Variants in CDH4 observed in about 807,000 individuals in gnomAD.
The protein encoded by CDH4 is cadherin 4.
Under a neutral mutation model 86.0 loss-of-function variants are expected in CDH4, and 33 were observed. The ratio of observed to expected loss-of-function variants is 0.38; its 90% CI spans 0.29 to 0.51. The LOEUF (loss-of-function observed/expected upper bound fraction) is 0.51, where lower values mean the gene tolerates loss of function less well. CDH4 is among the 20% of genes least tolerant of loss of function. CDH4 has a pLI of 0.86. For missense variants in CDH4, 1,114 were observed against 1,307.4 expected (o/e 0.85, Z 2.28); for synonymous variants, 555 against 549.4 (o/e 1.01, Z -0.14).
In CDH4 at chr20:61,495,303, C is replaced by T. The variant is rs867479022; in HGVS notation, c.169+240366C>T. On this transcript the variant is annotated intron_variant, in intron 2 of 15. Coordinates refer to ENST00000614565, the MANE Select transcript of CDH4 (RefSeq NM_001794.5). The stretch of plus-strand genomic sequence containing the variant: ...CAGGCACCTGAGGGGGAGCCGAACA[C>T]GACGTTCCCCTCGTTAACTACAGCA... 1.2e-4 allele frequency among the ~76,000 whole-genome samples: 19 copies of T among 152,320 alleles called. No homozygotes were observed. The South Asian group carries it at 1.7e-3, about 13-fold the overall frequency.
At chr20:61,745,929 C>T (rs13038982) in intron 3 of CDH4, among the ~76,000 whole-genome samples, 10,193 of 152,286 alleles carry the variant, frequency 0.067, 446 homozygotes, top group South Asian at 0.16. Context: ...TGATCCTCTG[C>T]AGAAGGGGCA....
At chr20:61,453,948 G>A (rs572988581) in intron 2 of CDH4, among the ~76,000 whole-genome samples, 6 of 152,240 alleles carry the variant, frequency 3.9e-5, no homozygotes, top group East Asian at 1.9e-4. Flanking sequence ...TCTTCCTGCC[G>A]CCTTGTGAAG....
At chr20:61,828,403 AG>A (rs1368171737) in intron 4 of CDH4, among the ~76,000 whole-genome samples, 1 of 152,200 alleles carries the variant, frequency 6.6e-6, no homozygotes, top group African/African-American at 2.4e-5. Flanking sequence ...ATCTCACCAT[AG>A]GGAGAAGCCA....
chr20:61,560,563 C>T (rs1206157281), intron 2 of CDH4, among the ~76,000 whole-genome samples: 3 of 152,202 alleles, frequency 2.0e-5, no homozygotes, highest in Admixed American at 6.5e-5. Context: ...GGTTCCCTAG[C>T]GGGTTACTTA....
rs6121744 is a variant in CDH4, at chr20:61,652,945, T to A, written c.170-90618T>A. Among the ~76,000 whole-genome samples, 101 of 122,744 alleles carry A rather than the reference T, an allele frequency of 8.2e-4. 2 individuals are homozygous for A. Among genetic ancestry groups the A allele is most frequent in the East Asian group, 3.1e-3 (15 of 4,862 alleles). The allele number at this position is 122,744 out of a possible 152,430, so 80.5% of individuals were successfully genotyped here. A position where few individuals can be genotyped will look rare whatever the true frequency, so the allele number is the denominator to read the frequency against. On this transcript the variant is annotated intron_variant, in intron 2 of 15. Transcript: ENST00000614565. ...TTATTTATTTATTTATTTATTTTTT[T>A]TTTTTTTTTTATTGATCATTCTTGG...
At chr20:61,747,445 CA>C (rs11302958) in intron 3 of CDH4, among the ~76,000 whole-genome samples, 12,141 of 75,416 alleles carry the variant, frequency 0.16, 386 homozygotes, top group South Asian at 0.25. Context: ...GACTCTGTCT[CA>C]AAAAAAAAAA....
At chr20:61,328,319 G>A (rs1462734567) in intron 2 of CDH4, among the ~76,000 whole-genome samples, 2 of 152,104 alleles carry the variant, frequency 1.3e-5, no homozygotes, top group African/African-American at 2.4e-5. Flanking sequence ...AGGACTGCAG[G>A]TGCATGCCAC....
chr20:61,803,178 G>T (rs2146034747), intron 4 of CDH4, among the ~76,000 whole-genome samples: 1 of 148,396 alleles, frequency 6.7e-6, no homozygotes, highest in South Asian at 2.1e-4. Context: ...GTCCCGTCGT[G>T]GCGGCTGTGG....
intron 2 of CDH4, among the ~76,000 whole-genome samples, chr20:61,365,304 A>G (rs2084805378): frequency 6.6e-6 from 1 of 152,156 alleles, no homozygotes; most frequent in Non-Finnish European, 1.5e-5. Flanking sequence ...AAGTACAAAG[A>G]TGTCTTCTTC....
intron 2 of CDH4, among the ~76,000 whole-genome samples, chr20:61,630,185 A>G (rs76636941): frequency 0.023 from 3,448 of 152,294 alleles, 101 homozygotes; most frequent in African/African-American, 0.078. Context: ...CAGCCAGCCC[A>G]GTCAGGCGTC....
intron 9 of CDH4, among the ~76,000 whole-genome samples, chr20:61,920,329 G>GTGGAAGCGTGGTGTGAT (rs1568888041): frequency 8.8e-4 from 18 of 20,448 alleles, no homozygotes; most frequent in Non-Finnish European, 6.4e-3. Flanking sequence ...GTGTGATTGT[G>GTGGAAGCGTGGTGTGAT]TGGAAGCGTG....
rs1206160511 is a variant in CDH4, at chr20:61,517,774, T to A, written c.170-225789T>A. Among the ~76,000 whole-genome samples the A allele has an allele frequency of 6.6e-6, 1 of 152,224 alleles. No homozygotes were observed. Among genetic ancestry groups the A allele is most frequent in the Non-Finnish European group, 1.5e-5 (1 of 68,032 alleles). On this transcript the variant is annotated intron_variant, in intron 2 of 15. Coordinates refer to ENST00000614565, the MANE Select transcript of CDH4 (RefSeq NM_001794.5). This position sits in a 1 kb window ranked among gnomAD's most constrained non-coding sequence, Gnocchi z 6.6. ...TTCTTGTCAGCTATTATATGTCTGA[T>A]TTTATGGTTTTCATCCTGAAATACG...
intron 2 of CDH4, among the ~76,000 whole-genome samples, chr20:61,610,486 A>G (rs1039691495): frequency 9.2e-5 from 14 of 152,182 alleles, no homozygotes; most frequent in African/African-American, 3.4e-4. Context: ...TCTTCGAGAC[A>G]CCTGCTTTCC....
Position 61,425,260 on chromosome 20 carries a change from C to T in CDH4, c.169+170323C>T, listed in dbSNP as rs537536363. On this transcript the variant is annotated intron_variant, in intron 2 of 15. Coordinates refer to ENST00000614565, the MANE Select transcript of CDH4 (RefSeq NM_001794.5). ...GCAGGGCGGGCACCACAGAAGGCTC[C>T]GGGAACAGGAGCAGGGAGGGAGGCG... Among the ~76,000 whole-genome samples, 22 of 152,256 alleles carry T rather than the reference C, an allele frequency of 1.4e-4. No homozygotes were observed. In the South Asian group the frequency reaches 1.9e-3, roughly 13 times the overall value.
intron 2 of CDH4, among the ~76,000 whole-genome samples, chr20:61,465,003 C>T (rs2085464784): frequency 1.3e-5 from 2 of 152,288 alleles, no homozygotes; most frequent in African/African-American, 4.8e-5. Context: ...ATTAAGTAGG[C>T]CCTAAAAGTG....
intron 2 of CDH4, among the ~76,000 whole-genome samples, chr20:61,426,142 C>T (rs536579486): frequency 2.2e-4 from 34 of 152,190 alleles, no homozygotes; most frequent in African/African-American, 7.5e-4. Flanking sequence ...ATAGAAGAGG[C>T]CAGAAGAGTA....
chr20:61,493,511 G>A (rs866697437), intron 2 of CDH4, among the ~76,000 whole-genome samples: 3 of 152,234 alleles, frequency 2.0e-5, no homozygotes, highest in African/African-American at 4.8e-5. Context: ...TGCCTCTACG[G>A]CTACAACCCG....
intron 2 of CDH4, among the ~76,000 whole-genome samples, chr20:61,608,598 C>G (rs2086662058): frequency 6.6e-6 from 1 of 152,234 alleles, no homozygotes; most frequent in Admixed American, 6.5e-5. Context: ...CATGGGAGTG[C>G]TCAACGCAGC....
At chr20:61,556,270 T>C (rs2086176812) in intron 2 of CDH4, among the ~76,000 whole-genome samples, 1 of 152,204 alleles carries the variant, frequency 6.6e-6, no homozygotes, top group Non-Finnish European at 1.5e-5. Flanking sequence ...TCTTGTGAAT[T>C]CCCACTGTAT....
Sources: allele counts gnomAD v4.1 joint callset (sites outside exome capture counted in the v4.1 genomes callset), GRCh38; gene constraint gnomAD v4.1.1; non-coding constraint Gnocchi (gnomAD v3.1); transcripts MANE v1.5; gene names NCBI Gene and HGNC (gene_info 2026-07-23, HGNC 2026-07-21).